The following WDR19 variants were observed in gnomAD, a reference collection of about 807,000 sequenced individuals.
WDR19 encodes the protein WD repeat-containing protein 19.
In WDR19, 121 loss-of-function variants were observed where a neutral mutation model predicts 180.0. That is an observed-to-expected ratio of 0.67 (90% confidence interval 0.58 to 0.78). The LOEUF (loss-of-function observed/expected upper bound fraction) is 0.78, where lower values mean the gene tolerates loss of function less well. Among genes scored for constraint, WDR19 ranks in the 30% least tolerant of loss-of-function variants. WDR19 has a pLI of 0.00. For missense variants in WDR19, 1,450 were observed against 1,640.7 expected (o/e 0.88, Z 2.01); for synonymous variants, 497 against 540.7 (o/e 0.92, Z 1.12).
intron 5 of WDR19, 62 bp from the exon 6 acceptor site, chr4:39,199,416 G>T (rs1391653799): frequency 5.7e-6 from 7 of 1,235,504 alleles, no homozygotes; most frequent in Non-Finnish European, 8.1e-6. Context: ...ATTCAGATTG[G>T]CATCACAGAT....
At chr4:39,276,827 A>G (rs1432834407) in intron 33 of WDR19, 193 bp from the exon 34 acceptor site, 9 of 614,854 alleles carry the variant, frequency 1.5e-5, no homozygotes, top group East Asian at 9.6e-5. Flanking sequence ...AACCTAACCA[A>G]TCCTAGGTAC....
At chr4:39,254,198 G>A (rs894583600) in intron 26 of WDR19, among the ~76,000 whole-genome samples, 168 bp downstream of exon 26, 2 of 152,110 alleles carry the variant, frequency 1.3e-5, no homozygotes, top group African/African-American at 4.8e-5. Context: ...TGGATTTGAA[G>A]ATCCCTGCTA....
At chr4:39,281,357 G>T (rs1192076802) in intron 36 of WDR19, among the ~76,000 whole-genome samples, 1 of 151,728 alleles carries the variant, frequency 6.6e-6, no homozygotes, top group East Asian at 1.9e-4. Context: ...TTTCCAGTGT[G>T]AGGAGGGGTT....
chr4:39,252,364 G>A (rs1336547592), intron 24 of WDR19, among the ~76,000 whole-genome samples: 2 of 111,288 alleles, frequency 1.8e-5, no homozygotes, highest in African/African-American at 3.4e-5. Flanking sequence ...GTTGTGGGGT[G>A]GGGGGAGGGG....
At chr4:39,184,855 TC>T (rs1725345628) in intron 1 of WDR19, among the ~76,000 whole-genome samples, 1 of 152,232 alleles carries the variant, frequency 6.6e-6, no homozygotes, top group South Asian at 2.1e-4. Flanking sequence ...ATGTTCTAGA[TC>T]AACACTGTCT....
intron 21 of WDR19, among the ~76,000 whole-genome samples, chr4:39,243,266 G>A (rs1311571037): frequency 6.6e-6 from 1 of 152,094 alleles, no homozygotes; most frequent in African/African-American, 2.4e-5. Context: ...AGAAATTGTA[G>A]TAATTCACAC....
intron 9 of WDR19, among the ~76,000 whole-genome samples, chr4:39,209,469 T>A (rs957204827): frequency 2.6e-5 from 4 of 151,802 alleles, no homozygotes; most frequent in African/African-American, 9.7e-5. Context: ...AGGAAGAATA[T>A]AATAAAAAGA....
At chr4:39,212,517 C>T (rs889759689) in intron 9 of WDR19, among the ~76,000 whole-genome samples, 32 of 152,136 alleles carry the variant, frequency 2.1e-4, no homozygotes, top group Non-Finnish European at 2.8e-4. Flanking sequence ...GATGGCCGGA[C>T]GCGGTGCCTC....
intron 17 of WDR19, among the ~76,000 whole-genome samples, chr4:39,229,871 C>CT (rs1488196254): frequency 1.3e-5 from 2 of 152,170 alleles, no homozygotes; most frequent in Non-Finnish European, 2.9e-5. Context: ...CCACAGGCCC[C>CT]TATTTTCCCT....
Position 39,270,033 on chromosome 4 carries a change from A to G in WDR19, c.3416A>G (p.Gln1139Arg), listed in dbSNP as rs75621037. The G allele has an allele frequency of 7.1e-4, 1,145 of 1,613,884 alleles. 17 individuals carry two copies. The East Asian group carries it at 0.023, about 32-fold the overall frequency. The change falls in exon 31 of 37, where the codon CAG (glutamine) becomes CGG (arginine). Residue 1139 changes from glutamine (Q) to arginine (R), a missense_variant. Transcript: ENST00000399820. ...AGTATGTATGCAGAACTGAAATCCC[A>G]GAAGATCAAAATTCCCTCCGAGATG... ...LFSMYAELKS[Q>R]KIKIPSEMAT...
intron 17 of WDR19, 114 bp downstream of exon 17, chr4:39,228,804 A>AT (rs869038750): frequency 0.1 from 92,877 of 926,274 alleles, 1 homozygote; most frequent in East Asian, 0.11. Flanking sequence ...CCTTGCAAGA[A>AT]TTTTTTTTTT....
intron 15 of WDR19, 128 bp downstream of exon 15, chr4:39,225,161 C>A: frequency 1.5e-6 from 1 of 677,476 alleles, no homozygotes; most frequent in Non-Finnish European, 2.2e-6. Context: ...TTGCTGTCAT[C>A]TTCATAATAT....
chr4:39,265,931 A>G, intron 28 of WDR19, 132 bp from the exon 29 acceptor site: 1 of 693,106 alleles, frequency 1.4e-6, no homozygotes, highest in South Asian at 2.0e-5. Flanking sequence ...CCTATGTCAT[A>G]TTTCAGGCAC....
At chr4:39,210,567 C>G (rs1266655259) in intron 9 of WDR19, among the ~76,000 whole-genome samples, 1 of 151,766 alleles carries the variant, frequency 6.6e-6, no homozygotes, top group Non-Finnish European at 1.5e-5. Context: ...CCTAGCTACT[C>G]AGGAAGCTGA....
intron 4 of WDR19, among the ~76,000 whole-genome samples, chr4:39,193,151 A>AT (rs1483827070): frequency 1.3e-5 from 2 of 150,250 alleles, no homozygotes; most frequent in East Asian, 1.9e-4. Flanking sequence ...GCTAAATTTA[A>AT]TTTTTTTTCT....
chr4:39,189,166 C>A (rs576262884), intron 3 of WDR19, among the ~76,000 whole-genome samples: 5 of 152,104 alleles, frequency 3.3e-5, no homozygotes, highest in African/African-American at 1.2e-4. Context: ...TCAGGTGATC[C>A]GCTTGCCTCG....
intron 15 of WDR19, among the ~76,000 whole-genome samples, chr4:39,227,852 T>C (rs1487249462): frequency 6.6e-6 from 1 of 152,234 alleles, no homozygotes; most frequent in Non-Finnish European, 1.5e-5. Flanking sequence ...CTCAGTATTA[T>C]TGAAAAATTT....
chr4:39,269,902 G>T, intron 30 of WDR19, 74 bp from the exon 31 acceptor site: 3 of 1,555,832 alleles, frequency 1.9e-6, no homozygotes, highest in Non-Finnish European at 2.6e-6. Context: ...AAATCCACTA[G>T]TAAGATGGGG....
chr4:39,268,727 G>A (rs547331400), intron 30 of WDR19, among the ~76,000 whole-genome samples: 1 of 152,262 alleles, frequency 6.6e-6, no homozygotes, highest in Admixed American at 6.5e-5. Context: ...CCTTCTTCCT[G>A]TCAGATGCGT....
Sources: gnomAD v4.1 joint callset for allele counts (sites outside exome capture counted in the v4.1 genomes callset) on GRCh38, gnomAD v4.1.1 for gene constraint, MANE v1.5 for transcripts, NCBI Gene and HGNC (gene_info 2026-07-23, HGNC 2026-07-21) for gene names.